NDST1: variants seen among roughly 807,000 people sequenced by gnomAD.
The protein encoded by NDST1 is bifunctional heparan sulfate N-deacetylase/N-sulfotransferase 1.
NDST1 carries 35 observed loss-of-function variants against 92.8 expected under a neutral mutation model. The observed-to-expected ratio is 0.38, with a 90% CI of 0.29 to 0.50. NDST1 has a LOEUF of 0.50. NDST1 is among the 20% of genes least tolerant of loss of function. The pLI is 0.94. For synonymous variants in NDST1, 493 were observed against 500.3 expected (o/e 0.99, Z 0.19); for missense variants, 822 against 1,182.7 (o/e 0.69, Z 4.47).
At chr5:150,506,865 C>T (rs1753482393), upstream of NDST1, among the ~76,000 whole-genome samples, 1 of 152,176 alleles carries the variant, frequency 6.6e-6, no homozygotes. Context: ...CTCAGCAGGC[C>T]CTGTGTTGTA....
chr5:150,552,628 T>G (rs1755773229), intron 14 of NDST1: 1 of 200,438 alleles, frequency 5.0e-6, no homozygotes, highest in African/African-American at 2.4e-5. Flanking sequence ...GCTGGTATTA[T>G]AGGTGTGAAC....
intron 3 of NDST1, among the ~76,000 whole-genome samples, chr5:150,530,914 A>G (rs191062054): frequency 3.3e-5 from 5 of 152,300 alleles, no homozygotes; most frequent in East Asian, 3.9e-4. Flanking sequence ...AGCCATTTCT[A>G]TAGAACAATA....
rs1006863889 is a variant in NDST1, at chr5:150,536,273, C to T, written c.1437+388C>T. ...GGCCAAGGCAGGCAGATTGCTTGAG[C>T]CTAGGAGTTTCATACCAGCCTGGGC... On this transcript the variant is annotated intron_variant, in intron 6 of 14. Transcript: ENST00000261797. Among the ~76,000 whole-genome samples, 3 of 152,000 alleles carry T rather than the reference C, an allele frequency of 2.0e-5. No homozygotes were observed. The East Asian group carries it at 5.8e-4, about 29-fold the overall frequency.
intron 1 of NDST1, among the ~76,000 whole-genome samples, chr5:150,513,034 C>G (rs1171173031): frequency 6.6e-6 from 1 of 152,112 alleles, no homozygotes; most frequent in Non-Finnish European, 1.5e-5. Context: ...GATACCTTGT[C>G]TGTATTAAAA....
At chr5:150,549,655 C>T (rs369505272) in intron 12 of NDST1, 23 bp from the exon 13 acceptor site, 12 of 1,517,612 alleles carry the variant, frequency 7.9e-6, no homozygotes, top group South Asian at 1.1e-5. Flanking sequence ...AAGCAGGTCC[C>T]GATCCCCTTT....
At chr5:150,550,930 T>C (rs1247851494) in intron 13 of NDST1, 1 of 152,470 alleles carries the variant, frequency 6.6e-6, no homozygotes, top group African/African-American at 2.4e-5. Flanking sequence ...GAGCTTGGCA[T>C]GCACTAAGTG....
At position 150,520,944 on chromosome 5, in the gene NDST1, C is replaced by G. The variant is rs1437919977; in HGVS notation, c.-311C>G. The G allele has an allele frequency of 1.8e-6, 1 of 555,200 alleles. No homozygotes were observed. The highest frequency in any genetic ancestry group is 3.2e-6 in the Non-Finnish European group (1 of 315,646). The allele number at this position is 555,200 out of a possible 1,614,324, so 34.4% of individuals were successfully genotyped here. A position where few individuals can be genotyped will look rare whatever the true frequency, so the allele number is the denominator to read the frequency against. On this transcript the variant is annotated 5_prime_UTR_variant, in exon 2 of 15. Coordinates refer to ENST00000261797, the MANE Select transcript of NDST1 (RefSeq NM_001543.5). ...TGTCCAGTGTCCTCTGGCCTGCTGCCCTGCACCCCCAGAAGGCCCTGACGC... is the reference window on the plus strand; with the variant it reads ...TGTCCAGTGTCCTCTGGCCTGCTGCGCTGCACCCCCAGAAGGCCCTGACGC...
At chr5:150,501,878 G>C (rs1215486771) in intron 1 of NDST1, among the ~76,000 whole-genome samples, 1 of 152,204 alleles carries the variant, frequency 6.6e-6, no homozygotes, top group East Asian at 1.9e-4. Flanking sequence ...CAGGTGGTCA[G>C]GATGGTCCCT....
intron 3 of NDST1, among the ~76,000 whole-genome samples, chr5:150,529,317 G>A (rs1239356542): frequency 6.6e-6 from 1 of 150,932 alleles, no homozygotes; most frequent in Non-Finnish European, 1.5e-5. Context: ...GCTTGAGCTT[G>A]GGAGGTTGAG....
chr5:150,521,238 A>G lies in NDST1; in HGVS notation c.-17A>G. On this transcript the variant is annotated 5_prime_UTR_variant, in exon 2 of 15. Coordinates refer to ENST00000261797, the MANE Select transcript of NDST1 (RefSeq NM_001543.5). This position sits in a 1 kb window ranked among gnomAD's most constrained non-coding sequence, Gnocchi z 5.9. Reference sequence around the variant, plus strand: ...GGGCAGGCCGGGCCTCCGGTGGCCAAGGTCTCGGAGGCCAGGATGCCTGCC... The same window carrying G: ...GGGCAGGCCGGGCCTCCGGTGGCCAGGGTCTCGGAGGCCAGGATGCCTGCC... 6.3e-7 allele frequency: 1 copy of G among 1,598,922 alleles called. No homozygotes were observed. Among genetic ancestry groups the G allele is most frequent in the Non-Finnish European group, 8.5e-7 (1 of 1,174,596 alleles).
chr5:150,504,339 G>A (rs74937373), upstream of NDST1, among the ~76,000 whole-genome samples: 1,499 of 152,272 alleles, frequency 9.8e-3, 8 homozygotes, highest in Non-Finnish European at 0.016. Context: ...TCTGGAGAGA[G>A]CAAGGCACTT....
intron 1 of NDST1, among the ~76,000 whole-genome samples, chr5:150,517,903 G>A (rs889096739): frequency 6.6e-6 from 1 of 152,256 alleles, no homozygotes; most frequent in Non-Finnish European, 1.5e-5. Context: ...CGCCATCAGG[G>A]CATCCCCACC....
rs1034479581 is a variant in NDST1 at position 150,542,699 on chromosome 5, A to G, written c.1847-149A>G. On this transcript the variant is annotated intron_variant, in intron 9 of 14. Coordinates refer to ENST00000261797, the MANE Select transcript of NDST1 (RefSeq NM_001543.5). ...CCACCCTGGATTTAGTAATTCCTTCATTGCACAGATGAAGAAGCTAAGACC... is the reference window on the plus strand; with the variant it reads ...CCACCCTGGATTTAGTAATTCCTTCGTTGCACAGATGAAGAAGCTAAGACC... 1.9e-5 allele frequency: 19 copies of G among 991,926 alleles called. No individual in the cohort carries two copies. In the Admixed American group the frequency reaches 2.2e-4, roughly 12 times the overall value. 61.4% of individuals were successfully genotyped at this position (991,926 alleles called of 1,614,324 possible).
At position 150,521,125 on chromosome 5, in the gene NDST1, C is replaced by G. The variant is rs1211418012; in HGVS notation, c.-130C>G. The G allele has an allele frequency of 3.6e-6, 3 of 826,088 alleles. No homozygotes were observed. In the African/African-American group the frequency reaches 5.2e-5, roughly 14 times the overall value. 51.2% of individuals were successfully genotyped at this position (826,088 alleles called of 1,614,324 possible). On this transcript the variant is annotated 5_prime_UTR_variant, in exon 2 of 15. Transcript: ENST00000261797. The surrounding 1 kb of genome is among the most constrained non-coding windows in gnomAD (Gnocchi z 5.9). ...CAGATCCTCCACTCCCAGTGCCCCACAAGGGCGTCGCTTCCTAAGTCTCTG... is the reference window on the plus strand; with the variant it reads ...CAGATCCTCCACTCCCAGTGCCCCAGAAGGGCGTCGCTTCCTAAGTCTCTG...
At chr5:150,532,864 G>T in intron 3 of NDST1, 81 bp from the exon 4 acceptor site, 1 of 1,292,362 alleles carries the variant, frequency 7.7e-7, no homozygotes, top group Non-Finnish European at 1.1e-6. Context: ...GGATTTCCAC[G>T]TTTTTTCACT....
chr5:150,511,484 G>A (rs1292923706), intron 1 of NDST1, among the ~76,000 whole-genome samples: 1 of 152,176 alleles, frequency 6.6e-6, no homozygotes, highest in East Asian at 1.9e-4. Context: ...GGAGGGACAG[G>A]GTTTTAATGG....
At chr5:150,501,773 A>G (rs992247203) in intron 1 of NDST1, among the ~76,000 whole-genome samples, 3 of 152,240 alleles carry the variant, frequency 2.0e-5, no homozygotes, top group African/African-American at 4.8e-5. Context: ...GAACAGCCCA[A>G]CAAGCTCACT....
intron 1 of NDST1, among the ~76,000 whole-genome samples, chr5:150,516,526 A>G (rs1753974174): frequency 6.6e-6 from 1 of 152,222 alleles, no homozygotes; most frequent in East Asian, 1.9e-4. Flanking sequence ...CCAAGATTAC[A>G]TAGCTACTAA....
chr5:150,535,241 C>T, intron 5 of NDST1: 2 of 916,286 alleles, frequency 2.2e-6, no homozygotes, highest in Non-Finnish European at 2.6e-6. Context: ...AGGGAGGTCA[C>T]ACCAGCTACT....
Sources: gnomAD v4.1 joint callset for allele counts (sites outside exome capture counted in the v4.1 genomes callset) on GRCh38, gnomAD v4.1.1 for gene constraint, Gnocchi (gnomAD v3.1) non-coding constraint, MANE v1.5 for transcripts, NCBI Gene and HGNC (gene_info 2026-07-23, HGNC 2026-07-21) for gene names.